LHFPL5: variants seen among roughly 807,000 people sequenced by gnomAD.
LHFPL5 encodes LHFPL tetraspan subfamily member 5, also known as LHFPL tetraspan subfamily member 5 protein.
In LHFPL5, 12 loss-of-function variants were observed where a neutral mutation model predicts 18.7. The observed-to-expected ratio is 0.64, with a 90% CI of 0.41 to 1.04. The LOEUF (loss-of-function observed/expected upper bound fraction) is 1.04. LHFPL5 is among the 50% of genes least tolerant of loss of function. LHFPL5 has a pLI of 0.00. For missense variants in LHFPL5, 259 were observed against 292.1 expected, an observed-to-expected ratio of 0.89 and a Z score of 0.83; for synonymous variants, 111 against 120.2, an observed-to-expected ratio of 0.92 and a Z score of 0.50.
At position 35,806,007 on chromosome 6, in the gene LHFPL5, A is replaced by G. The variant is rs1436313116; in HGVS notation, c.337A>G (p.Ile113Val). Residue 113 changes from isoleucine to valine, a missense_variant, in exon 1 of 4, where the codon ATC (isoleucine) becomes GTC (valine). Ile to Val is a conservative substitution (Grantham distance 29). Coordinates refer to ENST00000360215, the MANE Select transcript of LHFPL5 (RefSeq NM_182548.4). ...LGMFLIIGSI[I>V]CFSLFFICNT... ...CATGTTCCTCATCATTGGCTCCATC[A>G]TCTGCTTCAGCCTGTTCTTCATCTG... 1 of 1,614,142 alleles carries G rather than the reference A, an allele frequency of 6.2e-7. No homozygotes were observed. The highest frequency in any genetic ancestry group is 1.1e-5 in the South Asian group (1 of 91,088).
chr6:35,816,564 C>A (rs141354445), intron 2 of LHFPL5, among the ~76,000 whole-genome samples: 1 of 151,940 alleles, frequency 6.6e-6, no homozygotes, highest in Non-Finnish European at 1.5e-5. Context: ...GTAACCCCAG[C>A]GCTCTGGGAG....
chr6:35,817,915 C>T (rs1768791687), intron 2 of LHFPL5, among the ~76,000 whole-genome samples: 1 of 152,116 alleles, frequency 6.6e-6, no homozygotes, highest in Non-Finnish European at 1.5e-5. Flanking sequence ...ATGTTCATGG[C>T]AGCATAATAG....
intron 1 of LHFPL5, among the ~76,000 whole-genome samples, chr6:35,813,635 G>T (rs1219465462): frequency 2.0e-5 from 3 of 152,066 alleles, no homozygotes; most frequent in Non-Finnish European, 4.4e-5. Flanking sequence ...TGAATGGAAG[G>T]CTTTTGAAGG....
chr6:35,807,164 C>T (rs2817025), intron 1 of LHFPL5, among the ~76,000 whole-genome samples: 21,416 of 151,838 alleles, frequency 0.14, 3,094 homozygotes, highest in African/African-American at 0.37. Context: ...CTGGGCACAG[C>T]GGCTCACACC....
chr6:35,821,087 T>C (rs1768857865), intron 3 of LHFPL5, among the ~76,000 whole-genome samples: 2 of 152,092 alleles, frequency 1.3e-5, no homozygotes, highest in South Asian at 4.1e-4. Context: ...GCAGATCACC[T>C]GAGGTCAGGA....
intron 3 of LHFPL5, among the ~76,000 whole-genome samples, chr6:35,820,742 A>T (rs915311250): frequency 2.0e-5 from 3 of 151,762 alleles, no homozygotes; most frequent in Non-Finnish European, 2.9e-5. Flanking sequence ...AAATAAAATT[A>T]AAAAAATAAA....
chr6:35,819,716 T>C, intron 3 of LHFPL5: 1 of 535,558 alleles, frequency 1.9e-6, no homozygotes, highest in Non-Finnish European at 3.4e-6. Flanking sequence ...TCGCTCTTGT[T>C]GCCCAAGCTG....
rs138322541 is a variant in LHFPL5, at chr6:35,805,729, G to A, written c.59G>A (p.Arg20Gln). 347 of 1,614,092 alleles carry A rather than the reference G, an allele frequency of 2.1e-4. No homozygotes were observed. Among genetic ancestry groups the A allele is most frequent in the Non-Finnish European group, 2.7e-4 (323 of 1,180,040 alleles). ...AAGATCTACCATACCAACTATGTGCGGAACTCGCGAGCCGTGGGCGTGATG... is the reference window on the plus strand; with the variant it reads ...AAGATCTACCATACCAACTATGTGCAGAACTCGCGAGCCGTGGGCGTGATG... ...AAKIYHTNYV[R>Q]NSRAVGVMWG... Residue 20 changes from arginine to glutamine, a missense_variant, in exon 1 of 4, where the codon CGG becomes CAG. Physicochemically the swap from Arg to Gln is conservative, Grantham distance 43. Transcript: ENST00000360215. This position sits in a 1 kb window ranked among gnomAD's most constrained non-coding sequence, Gnocchi z 4.3.
chr6:35,813,660 A>C lies in LHFPL5; in HGVS notation c.413-886A>C, dbSNP rs181311744. On this transcript the variant is annotated intron_variant, in intron 1 of 3. Coordinates refer to ENST00000360215, the MANE Select transcript of LHFPL5 (RefSeq NM_182548.4). ...GCTTTTGAAGGAAGCAGCCAGGGAC[A>C]GTCTGGAAAGCCTTCCTGTATACAT... Among the ~76,000 whole-genome samples, 900 of 152,254 alleles carry C rather than the reference A, an allele frequency of 5.9e-3. 9 individuals are homozygous for C. Among genetic ancestry groups the C allele is most frequent in the Middle Eastern group, 0.048 (14 of 294 alleles).
rs570750211 is a variant in LHFPL5, at chr6:35,814,088, C to T, written c.413-458C>T. On this transcript the variant is annotated intron_variant, in intron 1 of 3. Transcript: ENST00000360215. This position sits in a 1 kb window ranked among gnomAD's most constrained non-coding sequence, Gnocchi z 4.2. ...CTGGGATTACAGGTGTGAGCCACCA[C>T]CCCCAGGCTAGACACTTTCTTATTG... Among the ~76,000 whole-genome samples the T allele has an allele frequency of 3.9e-5, 6 of 152,310 alleles. No individual in the cohort carries two copies. The East Asian group carries it at 9.6e-4, about 24-fold the overall frequency.
intron 1 of LHFPL5, among the ~76,000 whole-genome samples, chr6:35,807,296 A>G (rs1252960140): frequency 6.6e-6 from 1 of 152,136 alleles, no homozygotes; most frequent in Non-Finnish European, 1.5e-5. Context: ...AAATAAAACA[A>G]ATAAAACTGT....
intron 3 of LHFPL5, chr6:35,819,810 TG>T (rs1235589494): frequency 6.0e-6 from 2 of 333,182 alleles, no homozygotes; most frequent in African/African-American, 4.2e-5. Flanking sequence ...CCCGAGTAGC[TG>T]GGATTACAGG....
intron 2 of LHFPL5, among the ~76,000 whole-genome samples, chr6:35,818,342 TA>T (rs1561955658): frequency 2.6e-3 from 22 of 8,516 alleles, no homozygotes; most frequent in South Asian, 5.9e-3. Context: ...TATATATATA[TA>T]TATATGTATT....
rs1581972267 is a variant in LHFPL5, at chr6:35,814,653, A to C, written c.520A>C (p.Thr174Pro). The change falls in exon 2 of 4, where the codon ACC becomes CCC. Residue 174 changes from threonine to proline, a missense_variant. Coordinates refer to ENST00000360215, the MANE Select transcript of LHFPL5 (RefSeq NM_182548.4). This position sits in a 1 kb window ranked among gnomAD's most constrained non-coding sequence, Gnocchi z 4.2. ...QTGKYTLGHCTIRWAFMLAIL... is the reference protein window; with the variant it reads ...QTGKYTLGHCPIRWAFMLAIL... ...GGGCAAGTACACGCTGGGCCACTGC[A>C]CCATCCGCTGGGCCTTCATGCTGGC... 1 of 1,614,108 alleles carries C rather than the reference A, an allele frequency of 6.2e-7. No homozygotes were observed.
At chr6:35,808,542 T>C (rs1768609173) in intron 1 of LHFPL5, among the ~76,000 whole-genome samples, 1 of 135,514 alleles carries the variant, frequency 7.4e-6, no homozygotes, top group African/African-American at 2.7e-5. Context: ...ATATATATTC[T>C]TTACTATATA....
At position 35,806,028 on chromosome 6, in the gene LHFPL5, A is replaced by G. The variant is rs1339728645; in HGVS notation, c.358A>G (p.Ile120Val). 1 of 1,614,182 alleles carries G rather than the reference A, an allele frequency of 6.2e-7. No homozygotes were observed. The highest frequency in any genetic ancestry group is 8.5e-7 in the Non-Finnish European group (1 of 1,180,032). Residue 120 changes from isoleucine to valine, a missense_variant, in exon 1 of 4, where the codon ATC (isoleucine) becomes GTC (valine). Physicochemically the swap from Ile to Val is conservative, Grantham distance 29. Transcript: ENST00000360215. ...CATCATCTGCTTCAGCCTGTTCTTCATCTGCAACACGGCCACAGTCTATAA... is the reference window on the plus strand; with the variant it reads ...CATCATCTGCTTCAGCCTGTTCTTCGTCTGCAACACGGCCACAGTCTATAA... The part of the protein sequence containing the change: ...GSIICFSLFF[I>V]CNTATVYKIC...
At chr6:35,820,334 A>G (rs1287525447) in intron 3 of LHFPL5, among the ~76,000 whole-genome samples, 4 of 152,230 alleles carry the variant, frequency 2.6e-5, no homozygotes, top group South Asian at 4.1e-4. Context: ...AGCGCAACAT[A>G]TTCATTTATC....
intron 2 of LHFPL5, among the ~76,000 whole-genome samples, chr6:35,816,924 G>T (rs1768774262): frequency 6.6e-6 from 1 of 152,024 alleles, no homozygotes; most frequent in Non-Finnish European, 1.5e-5. Context: ...AACAAATAGT[G>T]CTAGAACAAT....
Position 35,805,604 on chromosome 6 carries a change from GC to G in LHFPL5, c.-65del. 3 of 1,563,838 alleles carry G rather than the reference GC, an allele frequency of 1.9e-6. No individual in the cohort carries two copies. The highest frequency in any genetic ancestry group is 2.6e-6 in the Non-Finnish European group (3 of 1,137,874). ...CCGCTGGGGAGTGACCTGCTTCTAGGCCTCCATCCACAAAGCTACGGACTTG... is the reference window on the plus strand; with the variant it reads ...CCGCTGGGGAGTGACCTGCTTCTAGGCTCCATCCACAAAGCTACGGACTTG... On this transcript the variant is annotated 5_prime_UTR_variant, in exon 1 of 4. Transcript: ENST00000360215. The surrounding 1 kb of genome is among the most constrained non-coding windows in gnomAD (Gnocchi z 4.3).
Sources: allele counts gnomAD v4.1 joint callset (sites outside exome capture counted in the v4.1 genomes callset), GRCh38; gene constraint gnomAD v4.1.1; non-coding constraint Gnocchi (gnomAD v3.1); transcripts MANE v1.5; gene names NCBI Gene and HGNC (gene_info 2026-07-23, HGNC 2026-07-21).